FAM124B: variants seen among roughly 807,000 people sequenced by gnomAD.
The protein encoded by FAM124B is family with sequence similarity 124 member B.
Under a neutral mutation model 19.7 loss-of-function variants are expected in FAM124B, and 18 were observed. That is an observed-to-expected ratio of 0.92 (90% CI 0.63 to 1.36). The LOEUF (loss-of-function observed/expected upper bound fraction) is 1.36, where lower values mean the gene tolerates loss of function less well. Ranked by LOEUF, FAM124B falls within the 40% of genes most tolerant of loss-of-function variation. The pLI is 0.00. For synonymous variants in FAM124B, 223 were observed against 225.2 expected (o/e 0.99, Z 0.09); for missense variants, 540 against 553.3 (o/e 0.98, Z 0.24).
At position 224,379,624 on chromosome 2, in the gene FAM124B, C is replaced by T; in HGVS notation, c.1317G>A (p.Leu439=). 3 of 1,550,484 alleles carry T rather than the reference C, an allele frequency of 1.9e-6. No homozygotes were observed. The highest frequency in any genetic ancestry group is 2.7e-5 in the African/African-American group (2 of 73,094). Residue 439 remains leucine, a synonymous_variant, in exon 2 of 2, where the codon CTG becomes CTA. Coordinates refer to ENST00000409685, the MANE Select transcript of FAM124B (RefSeq NM_001122779.2). ...CTTCTTTTTCTTCACCCTGAACTTG[C>T]AGATGAAGGAGACATTCTGAAATTG... The part of the protein sequence containing the change: ...RKTISECLLH[L]QVQGEEKEED...
intron 1 of FAM124B, among the ~76,000 whole-genome samples, chr2:224,383,510 ATC>A (rs1019414926): frequency 1.1e-4 from 15 of 130,892 alleles, no homozygotes; most frequent in South Asian, 2.4e-4. Flanking sequence ...TTTCCTTTTC[ATC>A]TGTTTGTTTT....
chr2:224,386,497 G>A (rs1348959284), intron 1 of FAM124B, among the ~76,000 whole-genome samples: 1 of 152,146 alleles, frequency 6.6e-6, no homozygotes, highest in Non-Finnish European at 1.5e-5. Flanking sequence ...ATAAATAAGT[G>A]CTAACATCAT....
rs765419166 is a variant in FAM124B at position 224,388,987 on chromosome 2, C to G, written c.733-8779G>C. The stretch of plus-strand genomic sequence containing the variant: ...TCGCTCTGTTGCCCAGGCTGGAGTG[C>G]TGTGGCACGATCTCAGCTTACTGCA... On this transcript the variant is annotated intron_variant, in intron 1 of 1. Coordinates refer to ENST00000409685, the MANE Select transcript of FAM124B (RefSeq NM_001122779.2). 6.6e-5 allele frequency among the ~76,000 whole-genome samples: 10 copies of G among 152,280 alleles called. No homozygotes were observed. The East Asian group carries it at 7.7e-4, about 12-fold the overall frequency.
chr2:224,380,778 C>A (rs1000928779), intron 1 of FAM124B, among the ~76,000 whole-genome samples: 2 of 152,040 alleles, frequency 1.3e-5, no homozygotes, highest in African/African-American at 4.8e-5. Context: ...TCTTGGGGCA[C>A]CATTTATTTA....
chr2:224,385,524 C>T (rs541667982), intron 1 of FAM124B, among the ~76,000 whole-genome samples: 2 of 152,310 alleles, frequency 1.3e-5, no homozygotes, highest in South Asian at 2.1e-4. Context: ...CTTCAGTTAG[C>T]GTCTAAATGA....
At chr2:224,391,424 G>T (rs904697220) in intron 1 of FAM124B, among the ~76,000 whole-genome samples, 1 of 151,848 alleles carries the variant, frequency 6.6e-6, no homozygotes, top group African/African-American at 2.4e-5. Context: ...TATCCAGTAG[G>T]TTACTCTTAT....
At chr2:224,395,619 T>C (rs1194180081) in intron 1 of FAM124B, among the ~76,000 whole-genome samples, 1 of 152,184 alleles carries the variant, frequency 6.6e-6, no homozygotes, top group Non-Finnish European at 1.5e-5. Flanking sequence ...GGAAAAACAA[T>C]GTCTGGCCCA....
intron 1 of FAM124B, among the ~76,000 whole-genome samples, chr2:224,393,547 A>G (rs957993677): frequency 6.6e-6 from 1 of 152,120 alleles, no homozygotes; most frequent in African/African-American, 2.4e-5. Flanking sequence ...CATTTAGTCA[A>G]CTTGGGAAGC....
intron 1 of FAM124B, 106 bp from the exon 2 acceptor site, chr2:224,380,314 A>T (rs1027733991): frequency 1.7e-5 from 17 of 1,022,092 alleles, no homozygotes. Context: ...CCCATAGCAG[A>T]CTTTCAGTAA....
chr2:224,381,936 AG>A (rs1689725682), intron 1 of FAM124B, among the ~76,000 whole-genome samples: 1 of 152,184 alleles, frequency 6.6e-6, no homozygotes, highest in African/African-American at 2.4e-5. Context: ...GTGAGAAAAC[AG>A]GTCTAGAAAT....
At chr2:224,391,766 T>C (rs969021408) in intron 1 of FAM124B, among the ~76,000 whole-genome samples, 1 of 152,214 alleles carries the variant, frequency 6.6e-6, no homozygotes, top group Non-Finnish European at 1.5e-5. Context: ...TATAGGCAAG[T>C]TGTTTAAACT....
chr2:224,394,389 C>T (rs1025547554), intron 1 of FAM124B, among the ~76,000 whole-genome samples: 2 of 152,090 alleles, frequency 1.3e-5, no homozygotes, highest in East Asian at 1.9e-4. Flanking sequence ...CTCATCATCA[C>T]CTTCCTCTTC....
intron 1 of FAM124B, among the ~76,000 whole-genome samples, chr2:224,394,110 G>C (rs66965636): frequency 0.065 from 9,904 of 152,184 alleles, 651 homozygotes; most frequent in African/African-American, 0.17. Context: ...CGTCCTCCTG[G>C]CTTTGTGGTT....
At chr2:224,384,272 C>T (rs751050111) in intron 1 of FAM124B, among the ~76,000 whole-genome samples, 2 of 152,196 alleles carry the variant, frequency 1.3e-5, no homozygotes, top group Non-Finnish European at 2.9e-5. Context: ...TTCCCCATCA[C>T]ATCTGCTCTT....
chr2:224,395,942 G>C (rs940238768), intron 1 of FAM124B, among the ~76,000 whole-genome samples: 1 of 152,144 alleles, frequency 6.6e-6, no homozygotes. Flanking sequence ...TCTCTCATTT[G>C]ACCCTCATAA....
Position 224,380,197 on chromosome 2 carries a change from A to G in FAM124B, c.744T>C (p.Asn248=), listed in dbSNP as rs1362228704. Residue 248 remains asparagine (N), a synonymous_variant, in exon 2 of 2, where the codon AAT becomes AAC. Coordinates refer to ENST00000409685, the MANE Select transcript of FAM124B (RefSeq NM_001122779.2). The part of the protein sequence containing the change: ...GNKILLQVQL[N]PELGVKNGIL... ...TGCCATTCTTAACACCAAGTTCTGG[A>G]TTCAGCTGAACCTACAGGAAAGGAA... 27 of 1,545,084 alleles carry G rather than the reference A, an allele frequency of 1.7e-5. No individual in the cohort carries two copies. The highest frequency in any genetic ancestry group is 2.3e-5 in the Non-Finnish European group (26 of 1,142,728).
chr2:224,400,407 A>G (rs1182787215), intron 1 of FAM124B: 1 of 690,466 alleles, frequency 1.4e-6, no homozygotes, highest in Non-Finnish European at 2.6e-6. Context: ...TCAGGAGGCT[A>G]AGGCAGGAGG....
chr2:224,390,114 T>TACACACACACACACACACACACAC (rs59825011), intron 1 of FAM124B, among the ~76,000 whole-genome samples: 4 of 131,702 alleles, frequency 3.0e-5, no homozygotes, highest in Non-Finnish European at 4.9e-5. Context: ...GTCTTTGAAA[T>TACACACACACACACACACACACAC]ACACACACAC....
intron 1 of FAM124B, among the ~76,000 whole-genome samples, chr2:224,384,989 C>T (rs1269737349): frequency 6.6e-6 from 1 of 152,092 alleles, no homozygotes; most frequent in African/African-American, 2.4e-5. Flanking sequence ...TTGAAAAACA[C>T]ATTCTTTCCA....
Sources: allele counts gnomAD v4.1 joint callset (sites outside exome capture counted in the v4.1 genomes callset), GRCh38; gene constraint gnomAD v4.1.1; transcripts MANE v1.5; gene names NCBI Gene and HGNC (gene_info 2026-07-23, HGNC 2026-07-21).